SUGP2: variants seen among roughly 807,000 people sequenced by gnomAD.
SUGP2 encodes SURP and G-patch domain containing 2, also known as SURP and G-patch domain-containing protein 2.
SUGP2 carries 24 observed loss-of-function variants against 90.5 expected under a neutral mutation model. That is an observed-to-expected ratio of 0.27 (90% CI 0.19 to 0.37). SUGP2 has a LOEUF of 0.37. Ranked by LOEUF, SUGP2 falls within the 10% of genes least tolerant of loss-of-function variation. SUGP2 has a pLI of 1.00. For synonymous variants in SUGP2, 473 were observed against 513.4 expected (o/e 0.92, Z 1.06); for missense variants, 1,233 against 1,363.3 (o/e 0.90, Z 1.51).
At chr19:19,030,013 G>T (rs1426797864) in intron 2 of SUGP2, among the ~76,000 whole-genome samples, 1 of 152,024 alleles carries the variant, frequency 6.6e-6, no homozygotes, top group Non-Finnish European at 1.5e-5. Context: ...CCAGGAAATG[G>T]ATCCAAGAAC....
intron 8 of SUGP2, among the ~76,000 whole-genome samples, chr19:18,997,335 A>AGGAG (rs1218993570): frequency 6.6e-6 from 1 of 151,072 alleles, no homozygotes; most frequent in South Asian, 2.1e-4. Flanking sequence ...GCCTCAGGTC[A>AGGAG]GGAGGGAGGG....
In SUGP2 at chr19:19,015,351, G is replaced by A. The variant is rs1377719221; in HGVS notation, c.1850+3758C>T. On this transcript the variant is annotated intron_variant, in intron 4 of 10. Coordinates refer to ENST00000452918, the MANE Select transcript of SUGP2 (RefSeq NM_001017392.5). ...GCAGAAACATTTGGCTTTTCATTAT[G>A]CGTTCAATTGACTGTTTTGTTAAAT... Among the ~76,000 whole-genome samples, 3 of 152,152 alleles carry A rather than the reference G, an allele frequency of 2.0e-5. No homozygotes were observed. The East Asian group carries it at 5.8e-4, about 29-fold the overall frequency.
rs1331172148 is a variant in SUGP2 at position 19,011,243 on chromosome 19, G to A, written c.1851-901C>T. On this transcript the variant is annotated intron_variant, in intron 4 of 10. Coordinates refer to ENST00000452918, the MANE Select transcript of SUGP2 (RefSeq NM_001017392.5). ...GCTCACCGCAGCCTCGACCTTCTGG[G>A]TTCAGGTGATCCTCCCACCTCAGCC... Among the ~76,000 whole-genome samples, 3 of 151,274 alleles carry A rather than the reference G, an allele frequency of 2.0e-5. No homozygotes were observed. In the East Asian group the frequency reaches 5.9e-4, roughly 30 times the overall value.
At chr19:19,031,160 C>T in intron 1 of SUGP2, 78 bp from the exon 2 acceptor site, 3 of 1,501,136 alleles carry the variant, frequency 2.0e-6, no homozygotes, top group Non-Finnish European at 9.0e-7. Context: ...GTAATCCTGG[C>T]ACTTTGGGAG....
At chr19:19,001,768 T>C (rs2057843804) in intron 7 of SUGP2, 94 bp from the exon 8 acceptor site, 1 of 1,292,082 alleles carries the variant, frequency 7.7e-7, no homozygotes, top group Non-Finnish European at 1.1e-6. Flanking sequence ...TGGCTAACAG[T>C]TCTCTGATGA....
At chr19:19,002,515 T>G (rs192973588) in intron 7 of SUGP2, among the ~76,000 whole-genome samples, 23 of 134,578 alleles carry the variant, frequency 1.7e-4, no homozygotes, top group African/African-American at 5.8e-4. Flanking sequence ...GTTTTTTTTT[T>G]TTTTTTTTTT....
chr19:19,033,475 C>G lies in SUGP2; in HGVS notation c.-50G>C, dbSNP rs1215482572. On this transcript the variant is annotated 5_prime_UTR_variant, in exon 1 of 11. Transcript: ENST00000452918. The stretch of plus-strand genomic sequence containing the variant: ...CGCGCGGAGCCACCCCCGCCGCCGC[C>G]TCAGGCTCCTCACCCGCCGCCGCCG... 1.4e-6 allele frequency: 2 copies of G among 1,409,544 alleles called. No homozygotes were observed. The highest frequency in any genetic ancestry group is 3.0e-5 in the African/African-American group (2 of 65,834). The allele number at this position is 1,409,544 out of a possible 1,614,324, so 87.3% of individuals were successfully genotyped here.
At chr19:19,027,464 G>A (rs2058979243) in intron 2 of SUGP2, among the ~76,000 whole-genome samples, 1 of 152,182 alleles carries the variant, frequency 6.6e-6, no homozygotes, top group Non-Finnish European at 1.5e-5. Context: ...GTTACAGCAA[G>A]AAAATGAGAA....
chr19:19,026,088 C>T lies in SUGP2; in HGVS notation c.260G>A (p.Gly87Glu), dbSNP rs964307079. 11 of 1,613,922 alleles carry T rather than the reference C, an allele frequency of 6.8e-6. No homozygotes were observed. Among genetic ancestry groups the T allele is most frequent in the Non-Finnish European group, 1.7e-6 (2 of 1,180,040 alleles). Reference sequence around the variant, plus strand: ...AGGGTTGCTTGATCTGAAGGAAGGCCCTGGAAATACGTCACTTCTCAGGCC... The same window carrying T: ...AGGGTTGCTTGATCTGAAGGAAGGCTCTGGAAATACGTCACTTCTCAGGCC... ...REGLRSDVFP[G>E]PSFRSSNPSI... The change falls in exon 3 of 11, where the codon GGG becomes GAG. Residue 87 changes from glycine (G) to glutamate (E), a missense_variant. Transcript: ENST00000452918.
chr19:19,017,638 G>A (rs563915016), intron 4 of SUGP2, among the ~76,000 whole-genome samples: 6 of 152,208 alleles, frequency 3.9e-5, no homozygotes, highest in African/African-American at 1.4e-4. Flanking sequence ...TGGGTGTGGT[G>A]GCGGGCACCT....
chr19:19,028,578 T>C (rs2059021384), intron 2 of SUGP2, among the ~76,000 whole-genome samples: 1 of 152,210 alleles, frequency 6.6e-6, no homozygotes, highest in Non-Finnish European at 1.5e-5. Context: ...AGATGAAAAG[T>C]TCAGAGTGGA....
At chr19:19,023,831 C>A (rs2058821443) in intron 3 of SUGP2, among the ~76,000 whole-genome samples, 1 of 151,994 alleles carries the variant, frequency 6.6e-6, no homozygotes, top group Admixed American at 6.6e-5. Flanking sequence ...GAGGTCGGGG[C>A]TGCAGTGAGC....
Position 18,994,488 on chromosome 19 carries a change from T to C in SUGP2, c.3129-2A>G. The C allele has an allele frequency of 6.2e-7, 1 of 1,613,432 alleles. No individual in the cohort carries two copies. Among genetic ancestry groups the C allele is most frequent in the Non-Finnish European group, 8.5e-7 (1 of 1,179,656 alleles). On this transcript the variant is annotated splice_acceptor_variant, in intron 9 of 10. Transcript: ENST00000452918. LOFTEE classifies it high-confidence loss of function. Reference sequence around the variant, plus strand: ...CCTTCCCCTTCCGAGGGGGTTCCCCTAGGGAGTGAAAAAGAGAGTCAGTTG... The same window carrying C: ...CCTTCCCCTTCCGAGGGGGTTCCCCCAGGGAGTGAAAAAGAGAGTCAGTTG...
intron 3 of SUGP2, among the ~76,000 whole-genome samples, chr19:19,024,377 T>G (rs1322833945): frequency 1.3e-5 from 2 of 152,256 alleles, no homozygotes; most frequent in Non-Finnish European, 2.9e-5. Flanking sequence ...CCCAAAGTGC[T>G]GGGATTACAG....
chr19:19,032,095 C>T (rs1363940985), intron 1 of SUGP2, among the ~76,000 whole-genome samples: 6 of 151,758 alleles, frequency 4.0e-5, no homozygotes, highest in Admixed American at 3.9e-4. Flanking sequence ...CTGAGCATAA[C>T]AGAGTAGGAA....
intron 4 of SUGP2, among the ~76,000 whole-genome samples, chr19:19,012,552 G>C (rs1182563114): frequency 6.6e-6 from 1 of 152,186 alleles, no homozygotes. Context: ...TATTAGCTGG[G>C]AACCTTTCTG....
At chr19:18,997,140 A>AT (rs772765483) in intron 8 of SUGP2, among the ~76,000 whole-genome samples, 2 of 152,132 alleles carry the variant, frequency 1.3e-5, no homozygotes, top group Non-Finnish European at 2.9e-5. Flanking sequence ...ACGAGGTATA[A>AT]TTCAACCAAA....
chr19:18,994,272 G>C (rs1416054205), intron 10 of SUGP2, 94 bp downstream of exon 10: 1 of 1,517,352 alleles, frequency 6.6e-7, no homozygotes, highest in African/African-American at 1.4e-5. Context: ...ATTTTTGGGG[G>C]AGCAGGGAAC....
rs1454572149 is a variant in SUGP2 at position 19,025,667 on chromosome 19, T to C, written c.681A>G (p.Gly227=). 5 of 1,614,004 alleles carry C rather than the reference T, an allele frequency of 3.1e-6. No individual in the cohort carries two copies. The highest frequency in any genetic ancestry group is 4.2e-6 in the Non-Finnish European group (5 of 1,179,966). The change falls in exon 3 of 11, where the codon GGA becomes GGG. Residue 227 remains glycine (G), a synonymous_variant. Transcript: ENST00000452918. ...NIVDQEGSLL[G]KGETQGLLTA... is the part of the protein sequence containing the mutation. ...TGAGCAGGCCCTGAGTCTCCCCCTT[T>C]CCTAGGAGGGAACCTTCCTGGTCAA... is the stretch of plus-strand genomic sequence containing the variant.
Sources: gnomAD v4.1 joint callset for allele counts (sites outside exome capture counted in the v4.1 genomes callset) on GRCh38, gnomAD v4.1.1 for gene constraint, MANE v1.5 for transcripts, NCBI Gene and HGNC (gene_info 2026-07-23, HGNC 2026-07-21) for gene names.